Variants in CYFIP2 observed in about 807,000 individuals in gnomAD.
CYFIP2 encodes the protein cytoplasmic FMR1-interacting protein 2.
CYFIP2 carries 29 observed loss-of-function variants against 158.7 expected under a neutral mutation model. The observed-to-expected ratio is 0.18, with a 90% CI of 0.14 to 0.25. CYFIP2 has a LOEUF of 0.25. Ranked by LOEUF, CYFIP2 falls within the 10% of genes least tolerant of loss-of-function variation. The probability of loss-of-function intolerance (pLI) is 1.00; values close to 1 mark genes in which losing one functional copy is unlikely to be tolerated. For synonymous variants in CYFIP2, 585 were observed against 617.6 expected (o/e 0.95, Z 0.78); for missense variants, 852 against 1,639.5 (o/e 0.52, Z 8.29).
intron 26 of CYFIP2, among the ~76,000 whole-genome samples, chr5:157,380,924 G>A (rs926405150): frequency 1.3e-5 from 2 of 152,106 alleles, no homozygotes; most frequent in African/African-American, 4.8e-5. Flanking sequence ...ACTTAAGAAA[G>A]GAGGAAAGGG....
At chr5:157,322,704 G>A (rs962528544) in intron 15 of CYFIP2, among the ~76,000 whole-genome samples, 6 of 152,220 alleles carry the variant, frequency 3.9e-5, no homozygotes, top group South Asian at 2.1e-4. Flanking sequence ...TGCTCTACCC[G>A]CATCAGTGCC....
chr5:157,368,901 TG>T (rs1355564359), intron 26 of CYFIP2, among the ~76,000 whole-genome samples: 2 of 112,024 alleles, frequency 1.8e-5, no homozygotes, highest in African/African-American at 3.7e-5. Context: ...TTTGTTTTTT[TG>T]TTTTTTTTTT....
At chr5:157,354,934 G>A (rs62390102) in intron 23 of CYFIP2, among the ~76,000 whole-genome samples, 33,197 of 151,976 alleles carry the variant, frequency 0.22, 4,057 homozygotes, top group African/African-American at 0.31. Flanking sequence ...CTTGGGTGGC[G>A]GTGAGGGTTT....
chr5:157,332,224 A>G (rs532935913), intron 20 of CYFIP2, among the ~76,000 whole-genome samples: 15 of 152,334 alleles, frequency 9.8e-5, no homozygotes, highest in African/African-American at 3.6e-4. Flanking sequence ...CCTGTGTTTC[A>G]AGCCTACAGG....
Position 157,389,322 on chromosome 5 carries a change from C to T in CYFIP2, c.3341C>T (p.Thr1114Ile). ...QDPIWRGPPP[T>I]NGVMHVDECV... ...CCCATCTGGCGGGGCCCACCGCCCA[C>T]CAATGGCGTCATGCACGTCGATGAG... Residue 1114 changes from threonine to isoleucine, a missense_variant, in exon 29 of 31, where the codon ACC becomes ATC. Physicochemically the swap from Thr to Ile is moderately conservative, Grantham distance 89 (BLOSUM62 -1). This residue lies in a region of CYFIP2 where 223 missense variants were observed against 381.6 expected (regional missense o/e 0.58). Transcript: ENST00000620254. The T allele has an allele frequency of 6.2e-7, 1 of 1,614,042 alleles. No homozygotes were observed. The highest frequency in any genetic ancestry group is 8.5e-7 in the Non-Finnish European group (1 of 1,179,882).
rs1396905868 is a variant in CYFIP2, at chr5:157,359,292, T to G, written c.2817+144T>G. The G allele has an allele frequency of 1.8e-5, 15 of 825,546 alleles. No homozygotes were observed. In the East Asian group the frequency reaches 3.5e-4, roughly 19 times the overall value. The allele number at this position is 825,546 out of a possible 1,614,324, so 51.1% of individuals were successfully genotyped here. On this transcript the variant is annotated intron_variant, in intron 24 of 30. Coordinates refer to ENST00000620254, the MANE Select transcript of CYFIP2 (RefSeq NM_001037333.3). ...GTAGAAACCACTCAAGGAGTTCCCTTGCCCATATCCCTGGATTGGTCTTAC... is the reference window on the plus strand; with the variant it reads ...GTAGAAACCACTCAAGGAGTTCCCTGGCCCATATCCCTGGATTGGTCTTAC...
At chr5:157,304,184 G>A in intron 7 of CYFIP2, 54 bp from the exon 8 acceptor site, 2 of 1,572,114 alleles carry the variant, frequency 1.3e-6, no homozygotes, top group Non-Finnish European at 1.7e-6. Context: ...AGGGGTGCAG[G>A]TGAGGGCACA....
Position 157,343,241 on chromosome 5 carries a change from G to A in CYFIP2, c.2673+2084G>A, listed in dbSNP as rs150327585. 147 of 1,614,204 alleles carry A rather than the reference G, an allele frequency of 9.1e-5. 1 individual carries two copies. The highest frequency in any genetic ancestry group is 7.4e-4 in the East Asian group (33 of 44,878). On this transcript the variant is annotated intron_variant, in intron 23 of 30. Transcript: ENST00000620254. ...TACCAGGGAGCTTCCAGGAGCCAGC[G>A]GACTCTTATCCAGGGTGTGGAACAT...
chr5:157,288,677 A>G (rs771356683), intron 3 of CYFIP2: 14 of 451,224 alleles, frequency 3.1e-5, no homozygotes, highest in Admixed American at 1.4e-4. Context: ...CTATTATCAT[A>G]TCCATTTTGC....
intron 1 of CYFIP2, among the ~76,000 whole-genome samples, chr5:157,268,626 G>A (rs763207799): frequency 6.6e-6 from 1 of 152,310 alleles, no homozygotes; most frequent in Non-Finnish European, 1.5e-5. Flanking sequence ...ACCACTGTTG[G>A]CCCCAGGGGT....
In CYFIP2 at chr5:157,384,353, A is replaced by G. The variant is rs562455042; in HGVS notation, c.3207+994A>G. On this transcript the variant is annotated intron_variant, in intron 28 of 30. Coordinates refer to ENST00000620254, the MANE Select transcript of CYFIP2 (RefSeq NM_001037333.3). ...TGGGGGCAGGCAGGGGAAGAATTCTAGAAGAGAAACAGGGTATTCTAGTGA... is the reference window on the plus strand; with the variant it reads ...TGGGGGCAGGCAGGGGAAGAATTCTGGAAGAGAAACAGGGTATTCTAGTGA... 2.2e-5 allele frequency: 10 copies of G among 456,736 alleles called. No individual in the cohort carries two copies. In the East Asian group the frequency reaches 6.9e-4, roughly 32 times the overall value. The allele number at this position is 456,736 out of a possible 1,614,324, so 28.3% of individuals were successfully genotyped here. A position where few individuals can be genotyped will look rare whatever the true frequency, so the allele number is the denominator to read the frequency against.
chr5:157,277,354 G>A (rs1365177239), intron 1 of CYFIP2, among the ~76,000 whole-genome samples: 3 of 151,990 alleles, frequency 2.0e-5, no homozygotes, highest in African/African-American at 7.2e-5. Context: ...CACCAAGTCC[G>A]GTCTTATCTG....
At chr5:157,282,697 T>G (rs1030624384) in intron 1 of CYFIP2, among the ~76,000 whole-genome samples, 1 of 152,240 alleles carries the variant, frequency 6.6e-6, no homozygotes, top group African/African-American at 2.4e-5. Flanking sequence ...ACGGGAGTTG[T>G]GTCATTTTGC....
At position 157,304,153 on chromosome 5, in the gene CYFIP2, G is replaced by A. The variant is rs377028503; in HGVS notation, c.667-85G>A. 3.0e-5 allele frequency: 45 copies of A among 1,489,152 alleles called. 1 individual carries two copies. Among genetic ancestry groups the A allele is most frequent in the Admixed American group, 2.6e-4 (12 of 45,700 alleles). 92.2% of individuals were successfully genotyped at this position (1,489,152 alleles called of 1,614,324 possible). A position where few individuals can be genotyped will look rare whatever the true frequency, so the allele number is the denominator to read the frequency against. On this transcript the variant is annotated intron_variant, in intron 7 of 30. Transcript: ENST00000620254. ...CCTGGCCATCAGCGGGGACCACACC[G>A]GCCAGCTGTAGGGCTTCTGCAGGGG...
chr5:157,361,506 A>G lies in CYFIP2; in HGVS notation c.2947A>G (p.Ile983Val), dbSNP rs1763824883. 4 of 1,613,978 alleles carry G rather than the reference A, an allele frequency of 2.5e-6. No individual in the cohort carries two copies. In the African/African-American group the frequency reaches 5.3e-5, roughly 22 times the overall value. Reference protein sequence around the residue: ...EFFHHQLKDIIEYAELKTDVF... With the variant: ...EFFHHQLKDIVEYAELKTDVF... ...CTTCCACCACCAGCTGAAGGACATC[A>G]TTGAGTACGCAGAGCTCAAAACAGA... The change falls in exon 26 of 31, where the codon ATT becomes GTT. Residue 983 changes from isoleucine to valine, a missense_variant. Around this residue, in one of 8 missense-constraint regions of CYFIP2, gnomAD observed 223 missense variants for 381.6 expected, o/e 0.58. Transcript: ENST00000620254. This position sits in a 1 kb window ranked among gnomAD's most constrained non-coding sequence, Gnocchi z 4.4.
chr5:157,387,800 C>T lies in CYFIP2; in HGVS notation c.3208-1389C>T, dbSNP rs193083555. Among the ~76,000 whole-genome samples, 254 of 152,204 alleles carry T rather than the reference C, an allele frequency of 1.7e-3. 1 individual carries two copies. The highest frequency in any genetic ancestry group is 5.2e-3 in the East Asian group (27 of 5,180). ...ATGAGTCACCGGGAATCAGGGTTCC[C>T]TCTCCTTCGTGTTTAAAACACACAT... On this transcript the variant is annotated intron_variant, in intron 28 of 30. Transcript: ENST00000620254.
intron 18 of CYFIP2, among the ~76,000 whole-genome samples, chr5:157,327,062 GC>G (rs1581067046): frequency 6.6e-6 from 1 of 152,116 alleles, no homozygotes; most frequent in East Asian, 1.9e-4. Context: ...TACTGCCTTT[GC>G]CCCATCTCAT....
At chr5:157,301,745 A>G (rs1758767917) in intron 6 of CYFIP2, among the ~76,000 whole-genome samples, 1 of 152,180 alleles carries the variant, frequency 6.6e-6, no homozygotes, top group Non-Finnish European at 1.5e-5. Flanking sequence ...CCTGGAAACC[A>G]TAATGAGACC....
chr5:157,330,985 G>A (rs1194934430), intron 20 of CYFIP2, 135 bp downstream of exon 20: 3 of 665,160 alleles, frequency 4.5e-6, no homozygotes, highest in Middle Eastern at 3.8e-4. Context: ...GAGCCTGGGT[G>A]TAGCACAGCC....
Sources: allele counts gnomAD v4.1 joint callset (sites outside exome capture counted in the v4.1 genomes callset), GRCh38; gene constraint gnomAD v4.1.1; regional missense constraint gnomAD v4.1.1; non-coding constraint Gnocchi (gnomAD v3.1); transcripts MANE v1.5; gene names NCBI Gene and HGNC (gene_info 2026-07-23, HGNC 2026-07-21).